Variants in ASXL2 observed in about 807,000 individuals in gnomAD.
ASXL2 encodes ASXL transcriptional regulator 2.
ASXL2 carries 23 observed loss-of-function variants against 122.0 expected under a neutral mutation model. That is an observed-to-expected ratio of 0.19 (90% confidence interval 0.14 to 0.27). ASXL2 has a LOEUF of 0.27. ASXL2 is among the 10% of genes least tolerant of loss of function. The pLI is 1.00. For missense variants in ASXL2, 1,518 were observed against 1,713.8 expected, an observed-to-expected ratio of 0.89 and a Z score of 2.02; for synonymous variants, 650 against 637.0, an observed-to-expected ratio of 1.02 and a Z score of -0.31.
chr2:25,868,971 C>A (rs543745268), intron 1 of ASXL2, among the ~76,000 whole-genome samples: 24 of 152,166 alleles, frequency 1.6e-4, no homozygotes, highest in African/African-American at 5.3e-4. Context: ...TCAAGACCAG[C>A]CTGGCCAACA....
chr2:25,746,140 CA>C (rs1167442683), intron 12 of ASXL2, among the ~76,000 whole-genome samples: 3 of 152,004 alleles, frequency 2.0e-5, no homozygotes, highest in African/African-American at 7.3e-5. Context: ...AAAATTAACC[CA>C]CTAAACCCTA....
intron 3 of ASXL2, among the ~76,000 whole-genome samples, chr2:25,834,709 T>C (rs988403086): frequency 6.6e-6 from 1 of 152,316 alleles, no homozygotes; most frequent in East Asian, 1.9e-4. Flanking sequence ...ACTGCTATAG[T>C]GGAGGTGAAT....
At chr2:25,803,987 T>C (rs1017211811) in intron 4 of ASXL2, among the ~76,000 whole-genome samples, 1 of 152,154 alleles carries the variant, frequency 6.6e-6, no homozygotes, top group Non-Finnish European at 1.5e-5. Flanking sequence ...CACTTTGGTT[T>C]TTTTTTCCCC....
intron 2 of ASXL2, among the ~76,000 whole-genome samples, chr2:25,842,817 TTTTG>T (rs1433214323): frequency 1.7e-3 from 263 of 151,190 alleles, no homozygotes; most frequent in African/African-American, 2.9e-3. Flanking sequence ...TATATGTTTT[TTTTG>T]TTTGTTTGTT....
intron 1 of ASXL2, among the ~76,000 whole-genome samples, chr2:25,874,086 G>T (rs1357533178): frequency 6.6e-6 from 1 of 152,130 alleles, no homozygotes; most frequent in African/African-American, 2.4e-5. Flanking sequence ...GCCCACATCC[G>T]TAATCCTAAC....
At chr2:25,831,446 A>G (rs1368418144) in intron 3 of ASXL2, among the ~76,000 whole-genome samples, 1 of 152,196 alleles carries the variant, frequency 6.6e-6, no homozygotes, top group Non-Finnish European at 1.5e-5. Flanking sequence ...AAACTGTTTG[A>G]GCTCAGGTAT....
At chr2:25,768,962 G>T in intron 6 of ASXL2, 94 bp from the exon 7 acceptor site, 1 of 1,367,026 alleles carries the variant, frequency 7.3e-7, no homozygotes, top group Non-Finnish European at 9.8e-7. Flanking sequence ...GAAGCATGCT[G>T]ATCGTTCAAT....
intron 5 of ASXL2, among the ~76,000 whole-genome samples, chr2:25,771,914 C>T (rs537988030): frequency 1.3e-5 from 2 of 152,208 alleles, no homozygotes; most frequent in East Asian, 1.9e-4. Flanking sequence ...AGTGGAAGGG[C>T]CTTGGGTTGG....
chr2:25,767,786 A>T (rs1405196229), intron 7 of ASXL2, 60 bp from the exon 8 acceptor site: 7 of 1,569,794 alleles, frequency 4.5e-6, no homozygotes, highest in Non-Finnish European at 6.1e-6. Context: ...AGAATCAATT[A>T]ATCAATCATT....
At position 25,807,581 on chromosome 2, in the gene ASXL2, AATATATAAAAATT is replaced by A. The variant is rs371536529; in HGVS notation, c.144-1257_144-1245del. Among the ~76,000 whole-genome samples the A allele has an allele frequency of 4.7e-3, 721 of 152,324 alleles. 3 individuals carry two copies. Among genetic ancestry groups the A allele is most frequent in the African/African-American group, 0.017 (694 of 41,556 alleles). On this transcript the variant is annotated intron_variant, in intron 3 of 12. Coordinates refer to ENST00000435504, the MANE Select transcript of ASXL2 (RefSeq NM_018263.6). ...AGGATCCCAAAGTTTGTATCAAATA[AATATATAAAAATT>A]GCCAAGAAATTTCCAGAAAAAAAAT...
chr2:25,767,799 A>G (rs1379630660), intron 7 of ASXL2, 73 bp from the exon 8 acceptor site: 2 of 1,536,122 alleles, frequency 1.3e-6, no homozygotes, highest in African/African-American at 2.7e-5. Context: ...CAATCATTCA[A>G]CATTCACTAA....
At chr2:25,785,174 T>C (rs909830773) in intron 5 of ASXL2, among the ~76,000 whole-genome samples, 3 of 152,178 alleles carry the variant, frequency 2.0e-5, no homozygotes, top group African/African-American at 7.2e-5. Flanking sequence ...AAAAGGAACA[T>C]TTCAGCCCAG....
intron 8 of ASXL2, among the ~76,000 whole-genome samples, chr2:25,765,205 G>C (rs1279922990): frequency 6.6e-6 from 1 of 152,044 alleles, no homozygotes; most frequent in African/African-American, 2.4e-5. Context: ...TCATTGTGTG[G>C]CTGGGGGCGG....
chr2:25,741,845 T>C lies in ASXL2; in HGVS notation c.*184A>G, dbSNP rs1177769997. 1.7e-6 allele frequency: 1 copy of C among 594,226 alleles called. No homozygotes were observed. 36.8% of individuals were successfully genotyped at this position (594,226 alleles called of 1,614,324 possible). A position where few individuals can be genotyped will look rare whatever the true frequency, so the allele number is the denominator to read the frequency against. ...AGTCTTGCTTGACTTAGACTTACTA[T>C]ACAAGGTGCTCTTCCTCTAAAATGT... On this transcript the variant is annotated 3_prime_UTR_variant, in exon 13 of 13. Transcript: ENST00000435504.
chr2:25,852,870 G>A (rs1409721636), intron 1 of ASXL2, among the ~76,000 whole-genome samples: 2 of 152,176 alleles, frequency 1.3e-5, no homozygotes, highest in Non-Finnish European at 2.9e-5. Context: ...AATTAGCTTT[G>A]TAAATTCGGA....
intron 1 of ASXL2, among the ~76,000 whole-genome samples, chr2:25,873,314 G>A (rs1376526065): frequency 6.6e-6 from 1 of 152,116 alleles, no homozygotes; most frequent in Non-Finnish European, 1.5e-5. Flanking sequence ...TGAAGGCTGA[G>A]GCGGAAGAAT....
At chr2:25,869,216 A>G (rs1317839852) in intron 1 of ASXL2, among the ~76,000 whole-genome samples, 4 of 151,842 alleles carry the variant, frequency 2.6e-5, no homozygotes, top group African/African-American at 9.7e-5. Flanking sequence ...TGTAGTCCCA[A>G]GCTTCTCCAG....
At position 25,750,458 on chromosome 2, in the gene ASXL2, T is replaced by C. The variant is rs956044399; in HGVS notation, c.1143-45A>G. On this transcript the variant is annotated intron_variant, in intron 11 of 12. Transcript: ENST00000435504. ...AATATTCCAGTTGAAAAATAGCCCA[T>C]GTTGCGAAAGCATTCATTAATAGAG... 4.0e-6 allele frequency: 6 copies of C among 1,503,634 alleles called. No individual in the cohort carries two copies. The South Asian group carries it at 5.3e-5, about 13-fold the overall frequency. The allele number at this position is 1,503,634 out of a possible 1,614,324, so 93.1% of individuals were successfully genotyped here.
chr2:25,767,485 C>G, intron 8 of ASXL2, 98 bp downstream of exon 8: 1 of 1,302,084 alleles, frequency 7.7e-7, no homozygotes, highest in Non-Finnish European at 1.1e-6. Context: ...TAACTCAAAT[C>G]TAAGTTATAA....
Sources: gnomAD v4.1 joint callset for allele counts (sites outside exome capture counted in the v4.1 genomes callset) on GRCh38, gnomAD v4.1.1 for gene constraint, MANE v1.5 for transcripts, NCBI Gene and HGNC (gene_info 2026-07-23, HGNC 2026-07-21) for gene names.